BBOX1: variants seen among roughly 807,000 people sequenced by gnomAD.
BBOX1 encodes the protein gamma-butyrobetaine hydroxylase 1, also known as gamma-butyrobetaine dioxygenase.
Under a neutral mutation model 41.6 loss-of-function variants are expected in BBOX1, and 35 were observed. That is an observed-to-expected ratio of 0.84 (90% CI 0.64 to 1.11). The LOEUF (loss-of-function observed/expected upper bound fraction) is 1.11. Ranked by LOEUF, BBOX1 falls within the 50% of genes most tolerant of loss-of-function variation. The pLI is 0.00. For missense variants in BBOX1, 458 were observed against 460.6 expected (o/e 0.99, Z 0.05); for synonymous variants, 163 against 154.7 (o/e 1.05, Z -0.40).
chr11:27,066,668 G>A (rs61888337), intron 4 of BBOX1: 2 of 114,748 alleles, frequency 1.7e-5, no homozygotes, highest in African/African-American at 8.4e-5. Context: ...TATCCCTTCA[G>A]GGGAAAAAAA....
chr11:27,072,993 C>T (rs1292214380), intron 4 of BBOX1, among the ~76,000 whole-genome samples: 1 of 152,124 alleles, frequency 6.6e-6, no homozygotes, highest in African/African-American at 2.4e-5. Context: ...CCATTCAGGA[C>T]ATAGGCATGG....
intron 7 of BBOX1, 81 bp from the exon 8 acceptor site, chr11:27,125,573 T>C (rs961458811): frequency 9.6e-5 from 115 of 1,201,012 alleles, no homozygotes; most frequent in Non-Finnish European, 1.2e-4. Context: ...TTCAAAAATA[T>C]ATTTGAAGAG....
intron 2 of BBOX1, chr11:27,046,145 C>T (rs1173856839): frequency 6.6e-6 from 1 of 152,128 alleles, no homozygotes; most frequent in Non-Finnish European, 1.5e-5. Flanking sequence ...CAGGCTGTTT[C>T]TTTCTGGCTC....
At chr11:27,098,314 C>T (rs1441471664) in intron 5 of BBOX1, among the ~76,000 whole-genome samples, 2 of 151,986 alleles carry the variant, frequency 1.3e-5, no homozygotes, top group Non-Finnish European at 2.9e-5. Context: ...CTACCAGTAC[C>T]TCATCCCCAA....
chr11:27,067,893 G>A (rs1218013494), intron 4 of BBOX1, among the ~76,000 whole-genome samples: 1 of 152,052 alleles, frequency 6.6e-6, no homozygotes. Context: ...CATTCAAGTT[G>A]CTGCAAAAGA....
chr11:27,076,082 C>T (rs1321380574), intron 4 of BBOX1, among the ~76,000 whole-genome samples: 1 of 152,208 alleles, frequency 6.6e-6, no homozygotes, highest in Non-Finnish European at 1.5e-5. Context: ...TACATTCACT[C>T]TCCGCCTAGG....
intron 2 of BBOX1, among the ~76,000 whole-genome samples, chr11:27,048,325 A>C (rs993265404): frequency 3.3e-5 from 5 of 152,044 alleles, no homozygotes; most frequent in African/African-American, 2.4e-5. Flanking sequence ...TGGCATTTTT[A>C]GATTCCATGT....
intron 4 of BBOX1, among the ~76,000 whole-genome samples, chr11:27,069,007 T>C (rs957265923): frequency 6.6e-6 from 1 of 152,178 alleles, no homozygotes; most frequent in African/African-American, 2.4e-5. Flanking sequence ...GTTCAGATGA[T>C]GCATTCAGAT....
intron 4 of BBOX1, among the ~76,000 whole-genome samples, chr11:27,074,858 C>T (rs1330324893): frequency 1.3e-5 from 2 of 152,174 alleles, no homozygotes; most frequent in African/African-American, 4.8e-5. Flanking sequence ...AGGTGGACTC[C>T]CAAGGTCTTG....
intron 4 of BBOX1, among the ~76,000 whole-genome samples, chr11:27,065,532 A>G (rs1857256867): frequency 6.6e-6 from 1 of 152,170 alleles, no homozygotes; most frequent in Admixed American, 6.5e-5. Flanking sequence ...TGGGAAGCAC[A>G]CTGCAGTGCC....
intron 6 of BBOX1, among the ~76,000 whole-genome samples, chr11:27,118,987 C>T (rs191403429): frequency 6.6e-5 from 10 of 151,854 alleles, no homozygotes; most frequent in Admixed American, 3.9e-4. Context: ...AGCTCAGTTC[C>T]GACTACATTA....
At chr11:27,068,973 G>A (rs1828975720) in intron 4 of BBOX1, among the ~76,000 whole-genome samples, 1 of 151,988 alleles carries the variant, frequency 6.6e-6, no homozygotes, top group African/African-American at 2.4e-5. Flanking sequence ...GGTAACTATA[G>A]CATTATAGTA....
intron 4 of BBOX1, among the ~76,000 whole-genome samples, chr11:27,085,388 C>T (rs1172943270): frequency 2.0e-5 from 3 of 152,120 alleles, no homozygotes; most frequent in Non-Finnish European, 4.4e-5. Flanking sequence ...ATCTTAGTAT[C>T]TCAAACTGTT....
At chr11:27,091,685 T>C (rs1226341762) in intron 4 of BBOX1, among the ~76,000 whole-genome samples, 2 of 151,944 alleles carry the variant, frequency 1.3e-5, no homozygotes, top group Non-Finnish European at 2.9e-5. Flanking sequence ...TTCTGGTTAC[T>C]CCTCACAGAG....
At chr11:27,118,396 A>T (rs1438999854) in intron 6 of BBOX1, among the ~76,000 whole-genome samples, 1 of 152,048 alleles carries the variant, frequency 6.6e-6, no homozygotes, top group Non-Finnish European at 1.5e-5. Flanking sequence ...TCTATAACAA[A>T]CAGAACAAAC....
intron 4 of BBOX1, among the ~76,000 whole-genome samples, chr11:27,068,090 C>A (rs1171700068): frequency 6.6e-6 from 1 of 151,978 alleles, no homozygotes; most frequent in Non-Finnish European, 1.5e-5. Context: ...GGGGTAGATA[C>A]CCAGTAGTGG....
In BBOX1 at chr11:27,072,955, T is replaced by A. The variant is rs372559431; in HGVS notation, c.334+15640T>A. 4.5e-4 allele frequency among the ~76,000 whole-genome samples: 69 copies of A among 152,174 alleles called. No homozygotes were observed. In the South Asian group the frequency reaches 0.011, roughly 24 times the overall value. ...CTTAAATGTTAGACCTAAAACCATA[T>A]AAACCCTAGAAGAAAACCTAGGCAA... On this transcript the variant is annotated intron_variant, in intron 4 of 8. Transcript: ENST00000263182.
chr11:27,104,594 G>A (rs1026085276), intron 5 of BBOX1, among the ~76,000 whole-genome samples: 1 of 152,140 alleles, frequency 6.6e-6, no homozygotes, highest in Non-Finnish European at 1.5e-5. Flanking sequence ...TTGAGTAAGA[G>A]CTATTCTAGA....
intron 4 of BBOX1, among the ~76,000 whole-genome samples, chr11:27,089,895 T>C (rs1326657122): frequency 6.6e-6 from 1 of 152,004 alleles, no homozygotes; most frequent in Non-Finnish European, 1.5e-5. Flanking sequence ...CAGTATGTAA[T>C]TTGTATAACA....
Sources: gnomAD v4.1 joint callset for allele counts (sites outside exome capture counted in the v4.1 genomes callset) on GRCh38, gnomAD v4.1.1 for gene constraint, MANE v1.5 for transcripts, NCBI Gene and HGNC (gene_info 2026-07-23, HGNC 2026-07-21) for gene names.